RAD54B: variants seen among roughly 807,000 people sequenced by gnomAD.
RAD54B encodes the protein RAD54 homolog B.
In RAD54B, 78 loss-of-function variants were observed where a neutral mutation model predicts 95.8. The ratio of observed to expected loss-of-function variants is 0.81; its 90% CI spans 0.68 to 0.98. RAD54B has a LOEUF of 0.98. Ranked by LOEUF, RAD54B falls within the 50% of genes least tolerant of loss-of-function variation. RAD54B has a pLI of 0.00. For synonymous variants in RAD54B, 328 were observed against 354.9 expected, an observed-to-expected ratio of 0.92 and a Z score of 0.85; for missense variants, 957 against 1,056.6, an observed-to-expected ratio of 0.91 and a Z score of 1.31.
At chr8:94,389,598 T>C (rs1230282885) in intron 10 of RAD54B, among the ~76,000 whole-genome samples, 1 of 152,206 alleles carries the variant, frequency 6.6e-6, no homozygotes, top group African/African-American at 2.4e-5. Flanking sequence ...TATGATATTG[T>C]TACTGGTTAC....
intron 3 of RAD54B, among the ~76,000 whole-genome samples, chr8:94,417,591 G>T (rs1254673493): frequency 6.6e-6 from 1 of 151,792 alleles, no homozygotes; most frequent in Non-Finnish European, 1.5e-5. Flanking sequence ...TTGGAAAATG[G>T]TTTCGCAGAC....
At chr8:94,402,492 G>A (rs1437535979) in intron 6 of RAD54B, among the ~76,000 whole-genome samples, 1 of 152,132 alleles carries the variant, frequency 6.6e-6, no homozygotes, top group Admixed American at 6.5e-5. Flanking sequence ...GACCTCAAGT[G>A]ATCCGCCTGC....
intron 3 of RAD54B, among the ~76,000 whole-genome samples, chr8:94,414,264 G>T (rs997791067): frequency 6.6e-6 from 1 of 152,132 alleles, no homozygotes; most frequent in African/African-American, 2.4e-5. Flanking sequence ...CAATCATGCC[G>T]TCTGCAAACA....
chr8:94,439,510 AAT>A (rs1194334019), intron 3 of RAD54B, among the ~76,000 whole-genome samples: 2 of 152,210 alleles, frequency 1.3e-5, no homozygotes, highest in African/African-American at 4.8e-5. Context: ...TTCTGAGCCA[AAT>A]ATGAGTGACC....
At chr8:94,406,680 G>A (rs1190193964) in intron 5 of RAD54B, among the ~76,000 whole-genome samples, 1 of 152,086 alleles carries the variant, frequency 6.6e-6, no homozygotes, top group Non-Finnish European at 1.5e-5. Context: ...TACTTGCAAT[G>A]GGGAAAAATA....
intron 3 of RAD54B, among the ~76,000 whole-genome samples, chr8:94,437,269 T>A (rs184718881): frequency 5.9e-5 from 9 of 152,328 alleles, no homozygotes; most frequent in African/African-American, 2.2e-4. Flanking sequence ...CATTGCAGTA[T>A]CACTTTAATA....
chr8:94,391,692 A>G lies in RAD54B; in HGVS notation c.1726T>C (p.Leu576=). 1 of 1,614,002 alleles carries G rather than the reference A, an allele frequency of 6.2e-7. No individual in the cohort carries two copies. Among genetic ancestry groups the G allele is most frequent in the Non-Finnish European group, 8.5e-7 (1 of 1,179,990 alleles). The change falls in exon 10 of 15, where the codon TTG becomes CTG. Residue 576 remains leucine (L), a synonymous_variant. Coordinates refer to ENST00000336148, the MANE Select transcript of RAD54B (RefSeq NM_012415.3). ...QVVRFCLQGL[L]ENSPHLICIG... Reference sequence around the variant, plus strand: ...CATATTAGATGGGGACTATTTTCCAACAACCCTTGAAGGCAGAACCTGACA... The same window carrying G: ...CATATTAGATGGGGACTATTTTCCAGCAACCCTTGAAGGCAGAACCTGACA...
chr8:94,461,854 T>C lies in RAD54B; in HGVS notation c.136-3418A>G, dbSNP rs567982452. Among the ~76,000 whole-genome samples the C allele has an allele frequency of 5.3e-5, 8 of 152,310 alleles. No homozygotes were observed. In the South Asian group the frequency reaches 1.0e-3, roughly 20 times the overall value. On this transcript the variant is annotated intron_variant, in intron 2 of 14. Coordinates refer to ENST00000336148, the MANE Select transcript of RAD54B (RefSeq NM_012415.3). Reference sequence around the variant, plus strand: ...CATAATCACAGTAAAATTATCAAAATTGATTATTTAACACTGGTATAATAC... The same window carrying C: ...CATAATCACAGTAAAATTATCAAAACTGATTATTTAACACTGGTATAATAC...
At chr8:94,468,907 T>C (rs892991379) in intron 1 of RAD54B, among the ~76,000 whole-genome samples, 1 of 151,756 alleles carries the variant, frequency 6.6e-6, no homozygotes, top group African/African-American at 2.4e-5. Context: ...GGGGGATCCC[T>C]TGAGGTCAGG....
At chr8:94,463,031 C>G (rs1265209378) in intron 2 of RAD54B, among the ~76,000 whole-genome samples, 1 of 151,840 alleles carries the variant, frequency 6.6e-6, no homozygotes, top group Non-Finnish European at 1.5e-5. Context: ...CAAAAATTAG[C>G]TAGGCGTGGC....
intron 3 of RAD54B, among the ~76,000 whole-genome samples, chr8:94,446,002 T>C (rs1554609070): frequency 6.6e-6 from 1 of 152,186 alleles, no homozygotes; most frequent in Non-Finnish European, 1.5e-5. Flanking sequence ...TTATGGGTGT[T>C]CAACACAAAA....
At chr8:94,381,456 G>T (rs1287089483) in intron 11 of RAD54B, among the ~76,000 whole-genome samples, 1 of 151,998 alleles carries the variant, frequency 6.6e-6, no homozygotes, top group Non-Finnish European at 1.5e-5. Flanking sequence ...TATTTGAAGT[G>T]AGCTTCAACA....
intron 11 of RAD54B, among the ~76,000 whole-genome samples, chr8:94,386,040 G>A (rs1438285089): frequency 6.6e-6 from 1 of 152,168 alleles, no homozygotes; most frequent in Non-Finnish European, 1.5e-5. Flanking sequence ...GGAGTGACAA[G>A]TTCATATTTA....
In RAD54B at chr8:94,372,001, T is replaced by C. The variant is rs1810451326; in HGVS notation, c.*169A>G. 7 of 1,154,690 alleles carry C rather than the reference T, an allele frequency of 6.1e-6. No individual in the cohort carries two copies. The highest frequency in any genetic ancestry group is 3.6e-5 in the Admixed American group (1 of 27,796). 71.5% of individuals were successfully genotyped at this position (1,154,690 alleles called of 1,614,324 possible). Reference sequence around the variant, plus strand: ...CATCTTTATTTTTCATTTAAACACTTAATATTTACAAAACATTAAACCACT... The same window carrying C: ...CATCTTTATTTTTCATTTAAACACTCAATATTTACAAAACATTAAACCACT... On this transcript the variant is annotated 3_prime_UTR_variant, in exon 15 of 15. Coordinates refer to ENST00000336148, the MANE Select transcript of RAD54B (RefSeq NM_012415.3).
Position 94,378,738 on chromosome 8 carries a change from T to C in RAD54B, c.2248-104A>G, listed in dbSNP as rs892828837. 13 of 748,602 alleles carry C rather than the reference T, an allele frequency of 1.7e-5. No homozygotes were observed. The African/African-American group carries it at 1.9e-4, about 11-fold the overall frequency. 46.4% of individuals were successfully genotyped at this position (748,602 alleles called of 1,614,324 possible). A position where few individuals can be genotyped will look rare whatever the true frequency, so the allele number is the denominator to read the frequency against. ...GTTTTAAAATTCGGAATTCTATATT[T>C]TACATACAGCTTCAGAAAACAAATC... On this transcript the variant is annotated intron_variant, in intron 12 of 14. Transcript: ENST00000336148.
chr8:94,467,018 T>C (rs2130199016), intron 2 of RAD54B, among the ~76,000 whole-genome samples: 1 of 152,252 alleles, frequency 6.6e-6, no homozygotes, highest in African/African-American at 2.4e-5. Context: ...AGCTTTGACC[T>C]CCCAGGCTCA....
In RAD54B at chr8:94,448,293, G is replaced by A. The variant is rs193111514; in HGVS notation, c.304+9975C>T. Among the ~76,000 whole-genome samples, 521 of 151,962 alleles carry A rather than the reference G, an allele frequency of 3.4e-3. 1 individual carries two copies. The highest frequency in any genetic ancestry group is 0.012 in the African/African-American group (484 of 41,450). ...GACCAAGCAAGATCCTGTCTCCTCCGCCCCACTCCCCCACCAAAAAGAAAC... is the reference window on the plus strand; with the variant it reads ...GACCAAGCAAGATCCTGTCTCCTCCACCCCACTCCCCCACCAAAAAGAAAC... On this transcript the variant is annotated intron_variant, in intron 3 of 14. Coordinates refer to ENST00000336148, the MANE Select transcript of RAD54B (RefSeq NM_012415.3).
intron 3 of RAD54B, among the ~76,000 whole-genome samples, chr8:94,444,235 T>C (rs973782426): frequency 6.6e-6 from 1 of 152,036 alleles, no homozygotes; most frequent in African/African-American, 2.4e-5. Context: ...GTTGAAGAAG[T>C]TGGGAAAATA....
chr8:94,444,574 C>T (rs1812477081), intron 3 of RAD54B, among the ~76,000 whole-genome samples: 1 of 152,170 alleles, frequency 6.6e-6, no homozygotes, highest in South Asian at 2.1e-4. Context: ...TGGCAAACAA[C>T]TCCATCCAAA....
Sources: allele counts gnomAD v4.1 joint callset (sites outside exome capture counted in the v4.1 genomes callset), GRCh38; gene constraint gnomAD v4.1.1; transcripts MANE v1.5; gene names NCBI Gene and HGNC (gene_info 2026-07-23, HGNC 2026-07-21).